The following PDE7B variants were observed in gnomAD, a reference collection of about 807,000 sequenced individuals.
The protein encoded by PDE7B is 3',5'-cyclic-AMP phosphodiesterase 7B.
A neutral mutation model predicts 56.2 loss-of-function variants in PDE7B; 29 were observed. The ratio of observed to expected loss-of-function variants is 0.52; its 90% confidence interval spans 0.38 to 0.70. The LOEUF (loss-of-function observed/expected upper bound fraction) is 0.70, where lower values mean the gene tolerates loss of function less well. PDE7B is among the 30% of genes least tolerant of loss of function. The probability of loss-of-function intolerance (pLI) is 0.00; values close to 1 mark genes in which losing one functional copy is unlikely to be tolerated. For synonymous variants in PDE7B, 197 were observed against 196.9 expected, an observed-to-expected ratio of 1.00 and a Z score of 0.00; for missense variants, 490 against 565.0, an observed-to-expected ratio of 0.87 and a Z score of 1.35.
At chr6:136,146,173 G>A (rs1778410120) in intron 3 of PDE7B, among the ~76,000 whole-genome samples, 1 of 152,234 alleles carries the variant, frequency 6.6e-6, no homozygotes, top group Non-Finnish European at 1.5e-5. Context: ...GAAAGGGGGA[G>A]ATGGGAGAAG....
At chr6:136,088,892 G>A (rs974066554) in intron 2 of PDE7B, among the ~76,000 whole-genome samples, 4 of 151,986 alleles carry the variant, frequency 2.6e-5, no homozygotes, top group Admixed American at 1.3e-4. Flanking sequence ...AATTTGGCAG[G>A]GGGTGGAGGG....
At chr6:135,878,209 A>G (rs977204033) in intron 1 of PDE7B, among the ~76,000 whole-genome samples, 1 of 152,150 alleles carries the variant, frequency 6.6e-6, no homozygotes, top group Non-Finnish European at 1.5e-5. Flanking sequence ...TATGGTTCTT[A>G]GAAATTTTAT....
intron 1 of PDE7B, among the ~76,000 whole-genome samples, chr6:135,886,186 A>C (rs1583738506): frequency 1.3e-5 from 2 of 152,104 alleles, no homozygotes; most frequent in South Asian, 2.1e-4. Context: ...TAAGGACACC[A>C]TAAGGTGTCC....
At chr6:136,076,555 G>A (rs912143984) in intron 2 of PDE7B, among the ~76,000 whole-genome samples, 10 of 152,104 alleles carry the variant, frequency 6.6e-5, no homozygotes, top group African/African-American at 2.2e-4. Flanking sequence ...TGTAAAGACA[G>A]GAAACAAGAG....
chr6:136,152,416 C>T (rs1250167997), intron 6 of PDE7B, among the ~76,000 whole-genome samples: 3 of 152,266 alleles, frequency 2.0e-5, no homozygotes, highest in African/African-American at 7.2e-5. Context: ...ACCATTTAAA[C>T]AAATCTGCAA....
At chr6:135,983,322 G>T (rs921396391) in intron 2 of PDE7B, among the ~76,000 whole-genome samples, 1 of 152,146 alleles carries the variant, frequency 6.6e-6, no homozygotes, top group African/African-American at 2.4e-5. Context: ...TGACCAAAGA[G>T]ACCTGTCCAT....
At chr6:136,017,510 GC>G (rs1305111419) in intron 2 of PDE7B, among the ~76,000 whole-genome samples, 17 of 112,536 alleles carry the variant, frequency 1.5e-4, no homozygotes, top group African/African-American at 5.7e-4. Flanking sequence ...CCCACGACAG[GC>G]CCCGGTGTGT....
intron 1 of PDE7B, among the ~76,000 whole-genome samples, chr6:135,933,120 G>A (rs997021656): frequency 3.3e-5 from 5 of 152,176 alleles, no homozygotes; most frequent in African/African-American, 1.2e-4. Flanking sequence ...AGGATACAGT[G>A]GAGTTGGGAT....
At chr6:135,913,005 T>C (rs1316341064) in intron 1 of PDE7B, among the ~76,000 whole-genome samples, 1 of 152,154 alleles carries the variant, frequency 6.6e-6, no homozygotes, top group Non-Finnish European at 1.5e-5. Flanking sequence ...GGGAACTTGC[T>C]CACTCTACCC....
chr6:135,992,292 C>A (rs746762692), intron 2 of PDE7B, among the ~76,000 whole-genome samples: 4 of 151,978 alleles, frequency 2.6e-5, no homozygotes, highest in Non-Finnish European at 4.4e-5. Flanking sequence ...TCAAAGCTGT[C>A]CTGGGCTGCA....
intron 1 of PDE7B, among the ~76,000 whole-genome samples, chr6:135,877,752 C>CAAAAAAAAAAAAA (rs75061563): frequency 3.4e-5 from 3 of 89,120 alleles, no homozygotes; most frequent in African/African-American, 8.7e-5. Flanking sequence ...CAAAACAAAA[C>CAAAAAAAAAAAAA]AAAAAAAAAA....
intron 2 of PDE7B, among the ~76,000 whole-genome samples, chr6:136,023,704 T>C (rs1335053000): frequency 6.6e-6 from 1 of 152,154 alleles, no homozygotes; most frequent in Non-Finnish European, 1.5e-5. Flanking sequence ...TACAGGAAAC[T>C]TCATTATAGG....
chr6:135,965,541 G>A (rs868472501), intron 2 of PDE7B, among the ~76,000 whole-genome samples: 1 of 152,150 alleles, frequency 6.6e-6, no homozygotes, highest in African/African-American at 2.4e-5. Context: ...TGGCTGGGGA[G>A]GCCTCACAAT....
chr6:136,160,125 C>T (rs755952643), intron 8 of PDE7B, among the ~76,000 whole-genome samples: 6 of 152,092 alleles, frequency 3.9e-5, no homozygotes, highest in African/African-American at 7.2e-5. Flanking sequence ...TAGATGCTTA[C>T]TCCTTCAACT....
At chr6:136,168,894 C>A (rs1778838760) in intron 8 of PDE7B, among the ~76,000 whole-genome samples, 1 of 152,078 alleles carries the variant, frequency 6.6e-6, no homozygotes, top group African/African-American at 2.4e-5. Context: ...TTTTGAGCAA[C>A]AACTATAGGT....
At chr6:135,940,076 C>T (rs143369090) in intron 1 of PDE7B, among the ~76,000 whole-genome samples, 5,819 of 152,196 alleles carry the variant, frequency 0.038, 160 homozygotes, top group Non-Finnish European at 0.055. Flanking sequence ...CCCAATTTTT[C>T]TCCAATCCCC....
intron 1 of PDE7B, among the ~76,000 whole-genome samples, chr6:135,905,197 C>A (rs1031935508): frequency 6.6e-6 from 1 of 152,146 alleles, no homozygotes; most frequent in Non-Finnish European, 1.5e-5. Context: ...CCAAGTGCCA[C>A]TAACATATTT....
In PDE7B at chr6:135,973,596, C is replaced by A. The variant is rs76956765; in HGVS notation, c.82+26072C>A. On this transcript the variant is annotated intron_variant, in intron 2 of 12. Coordinates refer to ENST00000308191, the MANE Select transcript of PDE7B (RefSeq NM_018945.4). ...CCATTGTGCCTTCCCATCAATAGTA[C>A]ACAAGGGTTCCAGTTTCTCCACATC... Among the ~76,000 whole-genome samples the A allele has an allele frequency of 1.4e-3, 213 of 152,260 alleles. 4 individuals are homozygous for A. In the East Asian group the frequency reaches 0.037, roughly 27 times the overall value.
At chr6:135,922,115 A>T (rs1774093955) in intron 1 of PDE7B, among the ~76,000 whole-genome samples, 1 of 152,156 alleles carries the variant, frequency 6.6e-6, no homozygotes. Flanking sequence ...TTTTACTAAC[A>T]TTGTTTATTC....
Sources: gnomAD v4.1 joint callset for allele counts (sites outside exome capture counted in the v4.1 genomes callset) on GRCh38, gnomAD v4.1.1 for gene constraint, MANE v1.5 for transcripts, NCBI Gene and HGNC (gene_info 2026-07-23, HGNC 2026-07-21) for gene names.